Variants in STK39 observed in about 807,000 individuals in gnomAD.
STK39 encodes the protein STE20/SPS1-related proline-alanine-rich protein kinase.
Under a neutral mutation model 77.8 loss-of-function variants are expected in STK39, and 20 were observed. The ratio of observed to expected loss-of-function variants is 0.26; its 90% confidence interval spans 0.18 to 0.37. The LOEUF (loss-of-function observed/expected upper bound fraction) is 0.37. STK39 is among the 10% of genes least tolerant of loss of function. The probability of loss-of-function intolerance (pLI) is 1.00; values close to 1 mark genes in which losing one functional copy is unlikely to be tolerated. For missense variants in STK39, 479 were observed against 656.5 expected (o/e 0.73, Z 2.95); for synonymous variants, 246 against 234.1 (o/e 1.05, Z -0.47).
At chr2:167,981,032 C>T (rs1218976237) in intron 16 of STK39, among the ~76,000 whole-genome samples, 1 of 150,032 alleles carries the variant, frequency 6.7e-6, no homozygotes, top group Non-Finnish European at 1.5e-5. Context: ...AGACTTCACA[C>T]TACGTTAGGC....
At chr2:168,056,066 A>T (rs1429651907) in intron 14 of STK39, among the ~76,000 whole-genome samples, 1 of 152,170 alleles carries the variant, frequency 6.6e-6, no homozygotes, top group African/African-American at 2.4e-5. Flanking sequence ...CATTTTAACC[A>T]CCTCCAGCAT....
chr2:168,021,421 G>GA (rs916438663), intron 14 of STK39, among the ~76,000 whole-genome samples: 1 of 152,072 alleles, frequency 6.6e-6, no homozygotes, highest in African/African-American at 2.4e-5. Flanking sequence ...AATATAGTTG[G>GA]AAAAATGCCT....
chr2:168,161,893 G>A, intron 4 of STK39, 51 bp from the exon 5 acceptor site: 1 of 1,357,672 alleles, frequency 7.4e-7, no homozygotes, highest in Non-Finnish European at 1.0e-6. Flanking sequence ...ACTTTATAGT[G>A]TATTGATTCA....
At chr2:167,975,346 A>C (rs1683246207) in intron 16 of STK39, among the ~76,000 whole-genome samples, 1 of 152,110 alleles carries the variant, frequency 6.6e-6, no homozygotes, top group Non-Finnish European at 1.5e-5. Flanking sequence ...TGAGACGAGC[A>C]GAGGAAATCT....
chr2:168,237,036 C>G (rs1357431376), intron 1 of STK39, among the ~76,000 whole-genome samples: 1 of 152,008 alleles, frequency 6.6e-6, no homozygotes, highest in African/African-American at 2.4e-5. Context: ...TTACTTTGGG[C>G]AGTATGGCCA....
chr2:168,089,475 C>T (rs1234713140), intron 10 of STK39, among the ~76,000 whole-genome samples: 3 of 152,148 alleles, frequency 2.0e-5, no homozygotes, highest in African/African-American at 7.2e-5. Flanking sequence ...GGATAAGTTG[C>T]CTAATAACTT....
chr2:168,087,747 C>T (rs1686406440), intron 10 of STK39, among the ~76,000 whole-genome samples: 1 of 152,186 alleles, frequency 6.6e-6, no homozygotes, highest in Non-Finnish European at 1.5e-5. Context: ...AGCAGCCTCA[C>T]TATCGGTATT....
intron 1 of STK39, among the ~76,000 whole-genome samples, chr2:168,184,981 G>C (rs1426283180): frequency 6.6e-6 from 1 of 152,088 alleles, no homozygotes; most frequent in African/African-American, 2.4e-5. Context: ...TTGCTTTAAG[G>C]GTTTTTATGC....
intron 10 of STK39, among the ~76,000 whole-genome samples, chr2:168,097,110 G>C (rs79030265): frequency 1.6e-4 from 25 of 152,274 alleles, no homozygotes; most frequent in Non-Finnish European, 3.4e-4. Context: ...CCAACACTCT[G>C]AAACAATTCA....
chr2:168,122,854 T>A (rs984060993), intron 10 of STK39, among the ~76,000 whole-genome samples: 1 of 152,228 alleles, frequency 6.6e-6, no homozygotes, highest in Non-Finnish European at 1.5e-5. Flanking sequence ...TGAAAAAAGA[T>A]TAATGATTCA....
chr2:168,185,274 T>C (rs902652134), intron 1 of STK39, among the ~76,000 whole-genome samples: 4 of 152,238 alleles, frequency 2.6e-5, no homozygotes, highest in Non-Finnish European at 2.9e-5. Context: ...AATCATTCAA[T>C]AGGATTATGG....
At chr2:168,167,032 T>C (rs1688709150) in intron 3 of STK39, among the ~76,000 whole-genome samples, 1 of 152,064 alleles carries the variant, frequency 6.6e-6, no homozygotes, top group Non-Finnish European at 1.5e-5. Context: ...ACATAATACA[T>C]TCCGGGGGCT....
intron 1 of STK39, among the ~76,000 whole-genome samples, chr2:168,201,466 G>C (rs1438653770): frequency 2.6e-5 from 4 of 152,198 alleles, no homozygotes; most frequent in African/African-American, 9.7e-5. Flanking sequence ...TCAGGAGCTA[G>C]CAAGCTCTGG....
intron 17 of STK39, among the ~76,000 whole-genome samples, chr2:167,962,866 T>C (rs16854410): frequency 0.027 from 4,045 of 152,236 alleles, 194 homozygotes; most frequent in African/African-American, 0.09. Flanking sequence ...AGGATCTGTG[T>C]GATCGCTGTG....
At chr2:168,050,829 C>T (rs183783479) in intron 14 of STK39, among the ~76,000 whole-genome samples, 1 of 152,190 alleles carries the variant, frequency 6.6e-6, no homozygotes, top group South Asian at 2.1e-4. Context: ...AAAACTAATA[C>T]AAAGGCCAAC....
intron 14 of STK39, among the ~76,000 whole-genome samples, chr2:168,036,975 T>C (rs1684972215): frequency 6.6e-6 from 1 of 152,254 alleles, no homozygotes; most frequent in South Asian, 2.1e-4. Context: ...ACCTAATTTC[T>C]TTCTTTGCTA....
chr2:168,176,668 G>C (rs1437881471), intron 2 of STK39, among the ~76,000 whole-genome samples: 1 of 152,120 alleles, frequency 6.6e-6, no homozygotes, highest in Non-Finnish European at 1.5e-5. Context: ...CAGTGAGTTA[G>C]ACCAAAATCC....
chr2:168,005,936 A>C (rs1482911016), intron 16 of STK39, among the ~76,000 whole-genome samples: 1 of 152,228 alleles, frequency 6.6e-6, no homozygotes, highest in Non-Finnish European at 1.5e-5. Flanking sequence ...GGGAACATCT[A>C]TCACTAAAGT....
At chr2:168,210,091 C>A (rs78388813) in intron 1 of STK39, among the ~76,000 whole-genome samples, 10,291 of 140,318 alleles carry the variant, frequency 0.073, 940 homozygotes, top group East Asian at 0.22. Flanking sequence ...GAAAGAAACT[C>A]ATGTAATTAG....
Sources: gnomAD v4.1 joint callset for allele counts (sites outside exome capture counted in the v4.1 genomes callset) on GRCh38, gnomAD v4.1.1 for gene constraint, MANE v1.5 for transcripts, NCBI Gene and HGNC (gene_info 2026-07-23, HGNC 2026-07-21) for gene names.